The following VIRMA variants were observed in gnomAD, a reference collection of about 807,000 sequenced individuals.
The protein encoded by VIRMA is protein virilizer homolog.
Under a neutral mutation model 182.4 loss-of-function variants are expected in VIRMA, and 65 were observed. That is an observed-to-expected ratio of 0.36 (90% CI 0.29 to 0.44). VIRMA has a LOEUF of 0.44. Among genes scored for constraint, VIRMA ranks in the 20% least tolerant of loss-of-function variants. VIRMA has a pLI of 1.00. For synonymous variants in VIRMA, 709 were observed against 743.1 expected (o/e 0.95, Z 0.75); for missense variants, 1,752 against 2,158.1 (o/e 0.81, Z 3.73).
chr8:94,521,781 C>T (rs1327396815), intron 8 of VIRMA, among the ~76,000 whole-genome samples: 2 of 152,150 alleles, frequency 1.3e-5, no homozygotes, highest in Admixed American at 1.3e-4. Flanking sequence ...ATAATAAACA[C>T]CCACCAGTAA....
intron 14 of VIRMA, among the ~76,000 whole-genome samples, 181 bp downstream of exon 14, chr8:94,510,236 T>C (rs1814315777): frequency 6.6e-6 from 1 of 152,208 alleles, no homozygotes; most frequent in Non-Finnish European, 1.5e-5. Flanking sequence ...TAAAGCTTTC[T>C]AATTTTAAAA....
At chr8:94,553,348 C>A in intron 1 of VIRMA, 37 bp downstream of exon 1, 1 of 1,604,370 alleles carries the variant, frequency 6.2e-7, no homozygotes. Context: ...GATCCCAAGT[C>A]AAGAAGCAGC....
rs755118618 is a variant in VIRMA at position 94,537,662 on chromosome 8, C to T, written c.267-511G>A. On this transcript the variant is annotated intron_variant, in intron 3 of 23. Coordinates refer to ENST00000297591, the MANE Select transcript of VIRMA (RefSeq NM_015496.5). ...AGTGATGTCTAAGAAACTGTTAATTCCTGACAGAAACAGACATTTTCTCAT... is the reference window on the plus strand; with the variant it reads ...AGTGATGTCTAAGAAACTGTTAATTTCTGACAGAAACAGACATTTTCTCAT... 3.0e-4 allele frequency among the ~76,000 whole-genome samples: 45 copies of T among 151,940 alleles called. 1 individual carries two copies. The highest frequency in any genetic ancestry group is 3.7e-4 in the Non-Finnish European group (25 of 67,966).
chr8:94,535,096 A>C, intron 4 of VIRMA, 89 bp from the exon 5 acceptor site: 2 of 1,500,896 alleles, frequency 1.3e-6, no homozygotes, highest in Non-Finnish European at 1.8e-6. Context: ...TTGTGGTTCA[A>C]CTAAAGTCTT....
intron 5 of VIRMA, 78 bp downstream of exon 5, chr8:94,534,761 G>T: frequency 2.0e-6 from 3 of 1,511,900 alleles, no homozygotes; most frequent in Non-Finnish European, 2.7e-6. Context: ...AAAGGTAAAA[G>T]AGTGCTCTTC....
rs1239869481 is a variant in VIRMA at position 94,516,713 on chromosome 8, CTAA to C, written c.2668+1072_2668+1074del. On this transcript the variant is annotated intron_variant, in intron 10 of 23. Transcript: ENST00000297591. ...AACACCCAGAAAAAGTACTAAAGCA[CTAA>C]TAATACCTTTGAAGACACTGTGTGC... Among the ~76,000 whole-genome samples, 7 of 152,244 alleles carry C rather than the reference CTAA, an allele frequency of 4.6e-5. No individual in the cohort carries two copies. In the South Asian group the frequency reaches 1.0e-3, roughly 23 times the overall value.
chr8:94,529,987 C>T (rs1371216165), intron 6 of VIRMA, among the ~76,000 whole-genome samples: 2 of 151,920 alleles, frequency 1.3e-5, no homozygotes, highest in Admixed American at 6.6e-5. Context: ...CAGGGTCTCC[C>T]TATGTTGCCC....
At chr8:94,544,585 C>T (rs1396302458) in intron 1 of VIRMA, among the ~76,000 whole-genome samples, 4 of 144,438 alleles carry the variant, frequency 2.8e-5, no homozygotes, top group Admixed American at 7.0e-5. Context: ...GGCGTGAACC[C>T]GGGAGGCAGA....
At chr8:94,523,817 C>A (rs1412279840) in intron 8 of VIRMA, among the ~76,000 whole-genome samples, 5 of 147,332 alleles carry the variant, frequency 3.4e-5, no homozygotes, top group Non-Finnish European at 6.0e-5. Context: ...TTTGAGATAG[C>A]ATCTCACTCT....
chr8:94,513,634 CTT>C (rs1198322489), intron 11 of VIRMA, among the ~76,000 whole-genome samples: 1 of 152,068 alleles, frequency 6.6e-6, no homozygotes, highest in Non-Finnish European at 1.5e-5. Flanking sequence ...AAAATCAACT[CTT>C]AACTACAGCA....
rs1349851893 is a variant in VIRMA, at chr8:94,547,781, G to A, written c.64-3839C>T. ...GTATATAAATAATAGCATTAATATC[G>A]TAGCACTTTGGGAGGCCAAGACAGA... is the stretch of plus-strand genomic sequence containing the variant. On this transcript the variant is annotated intron_variant, in intron 1 of 23. Transcript: ENST00000297591. Among the ~76,000 whole-genome samples the A allele has an allele frequency of 1.3e-5, 2 of 149,780 alleles. 1 individual carries two copies. The highest frequency in any genetic ancestry group is 5.0e-5 in the African/African-American group (2 of 39,680).
In VIRMA at chr8:94,509,743, A is replaced by T. The variant is rs1814296637; in HGVS notation, c.3824T>A (p.Ile1275Asn). The change falls in exon 15 of 24, where the codon ATT (isoleucine) becomes AAT (asparagine). Residue 1275 changes from isoleucine to asparagine, a missense_variant. Ile to Asn is a moderately radical substitution (Grantham distance 149). Coordinates refer to ENST00000297591, the MANE Select transcript of VIRMA (RefSeq NM_015496.5). ...GACATATTCAACACACTGTTGGCGAATAACACTGTCTCCAGGAGACCGCAC... is the reference window on the plus strand; with the variant it reads ...GACATATTCAACACACTGTTGGCGATTAACACTGTCTCCAGGAGACCGCAC... ...ALVRSPGDSV[I>N]RQQCVEYVTS... The T allele has an allele frequency of 1.9e-6, 3 of 1,613,890 alleles. No homozygotes were observed. The South Asian group carries it at 3.3e-5, about 18-fold the overall frequency.
At chr8:94,510,716 C>T in intron 13 of VIRMA, 64 bp from the exon 14 acceptor site, 3 of 1,202,618 alleles carry the variant, frequency 2.5e-6, no homozygotes, top group Non-Finnish European at 3.6e-6. Context: ...GTCACAAAAA[C>T]TGTTCAGGAA....
intron 2 of VIRMA, among the ~76,000 whole-genome samples, chr8:94,543,141 C>A (rs1285353462): frequency 6.6e-6 from 1 of 151,980 alleles, no homozygotes; most frequent in East Asian, 1.9e-4. Context: ...CTCCTGACCT[C>A]AGGTGTTCCT....
rs1375917947 is a variant in VIRMA at position 94,526,855 on chromosome 8, C to T, written c.1389G>A (p.Val463=). 6.2e-7 allele frequency: 1 copy of T among 1,614,178 alleles called. No individual in the cohort carries two copies. The highest frequency in any genetic ancestry group is 1.1e-5 in the South Asian group (1 of 91,078). Reference sequence around the variant, plus strand: ...GAGCCCCACATTCTGCTAGTGAGGACACTAATTTGGTCCCAGCTTTGAGCT... The same window carrying T: ...GAGCCCCACATTCTGCTAGTGAGGATACTAATTTGGTCCCAGCTTTGAGCT... ...VRQLKAGTKL[V]SSLAECGAQG... The change falls in exon 8 of 24, where the codon GTG becomes GTA. Residue 463 remains valine (V), a synonymous_variant. Coordinates refer to ENST00000297591, the MANE Select transcript of VIRMA (RefSeq NM_015496.5).
At chr8:94,517,585 T>C (rs142563151) in intron 10 of VIRMA, among the ~76,000 whole-genome samples, 3 of 152,238 alleles carry the variant, frequency 2.0e-5, no homozygotes, top group Non-Finnish European at 4.4e-5. Context: ...AAAAGGTACT[T>C]GTAAAAACTA....
At chr8:94,522,505 C>T (rs1814808647) in intron 8 of VIRMA, among the ~76,000 whole-genome samples, 1 of 152,140 alleles carries the variant, frequency 6.6e-6, no homozygotes, top group African/African-American at 2.4e-5. Flanking sequence ...ACAAACCCTC[C>T]AAAGTACAAT....
At position 94,488,822 on chromosome 8, in the gene VIRMA, G is replaced by A. The variant is rs1222386565; in HGVS notation, c.5323C>T (p.Arg1775Cys). Reference sequence around the variant, plus strand: ...GCCCAGGAAGGTCCAAGTCCCCCACGACCTCTAGAAGCACGGTCCCGAGGA... The same window carrying A: ...GCCCAGGAAGGTCCAAGTCCCCCACAACCTCTAGAAGCACGGTCCCGAGGA... ...PSPRDRASRGRGGLGPSWASA... is the reference protein window; with the variant it reads ...PSPRDRASRGCGGLGPSWASA... Residue 1775 changes from arginine (R) to cysteine (C), a missense_variant, in exon 24 of 24, where the codon CGT becomes TGT. Arg to Cys is a radical substitution (Grantham distance 180). Transcript: ENST00000297591. 3 of 1,614,106 alleles carry A rather than the reference G, an allele frequency of 1.9e-6. No individual in the cohort carries two copies. The highest frequency in any genetic ancestry group is 2.5e-6 in the Non-Finnish European group (3 of 1,180,006).
At chr8:94,532,396 G>A (rs543692245) in intron 5 of VIRMA, among the ~76,000 whole-genome samples, 8 of 152,210 alleles carry the variant, frequency 5.3e-5, no homozygotes, top group African/African-American at 4.8e-5. Context: ...CGTGAGCCAC[G>A]GCATCCAGCC....
Sources: allele counts gnomAD v4.1 joint callset (sites outside exome capture counted in the v4.1 genomes callset), GRCh38; gene constraint gnomAD v4.1.1; transcripts MANE v1.5; gene names NCBI Gene and HGNC (gene_info 2026-07-23, HGNC 2026-07-21).